Variants in PIK3C2B observed in about 807,000 individuals in gnomAD.
The protein encoded by PIK3C2B is phosphatidylinositol 4-phosphate 3-kinase C2 domain-containing subunit beta.
In PIK3C2B, 83 loss-of-function variants were observed where a neutral mutation model predicts 184.3. The observed-to-expected ratio is 0.45, with a 90% CI of 0.38 to 0.54. The LOEUF is 0.54. Among genes scored for constraint, PIK3C2B ranks in the 20% least tolerant of loss-of-function variants. The pLI is 0.00. For missense variants in PIK3C2B, 1,736 were observed against 2,113.5 expected (o/e 0.82, Z 3.50); for synonymous variants, 779 against 837.6 (o/e 0.93, Z 1.21).
chr1:204,461,819 C>G (rs977356408), intron 5 of PIK3C2B, among the ~76,000 whole-genome samples: 2 of 151,948 alleles, frequency 1.3e-5, no homozygotes, highest in Non-Finnish European at 2.9e-5. Flanking sequence ...AACCCTCCCA[C>G]GGGACTGCCT....
chr1:204,440,303 G>A lies in PIK3C2B; in HGVS notation c.3268C>T (p.Gln1090Ter). The change falls in exon 22 of 33, where the codon CAG becomes TAG. Residue 1090 changes from glutamine (Q) to a stop codon, truncating the protein, a stop_gained. Transcript: ENST00000684373. LOFTEE classifies it high-confidence loss of function. ...VIFKCGDDLR[Q>*]DMLTLQMIRI... ...ATCATCTGCAGCGTTAGCATGTCCT[G>A]GCGAAGGTCGTCCCCACACTGGATG... The A allele has an allele frequency of 6.2e-7, 1 of 1,600,896 alleles. No homozygotes were observed. Among genetic ancestry groups the A allele is most frequent in the South Asian group, 1.1e-5 (1 of 89,358 alleles).
Position 204,447,511 on chromosome 1 carries a change from C to G in PIK3C2B, c.2414G>C (p.Arg805Pro). The change falls in exon 15 of 33, where the codon CGC becomes CCC. Residue 805 changes from arginine (R) to proline (P), a missense_variant. By Grantham distance (103) the Arg-to-Pro change is moderately radical. Transcript: ENST00000684373. The surrounding 1 kb of genome is among the most constrained non-coding windows in gnomAD (Gnocchi z 4.1). ...TSPPGDKFSPRYEFGSLREED... is the reference protein window; with the variant it reads ...TSPPGDKFSPPYEFGSLREED... Reference sequence around the variant, plus strand: ...TTCCCGGAGGCTGCCAAACTCATAGCGGGGGCTGAACTTGTCTCCAGGGGG... The same window carrying G: ...TTCCCGGAGGCTGCCAAACTCATAGGGGGGGCTGAACTTGTCTCCAGGGGG... 1.2e-6 allele frequency: 2 copies of G among 1,611,230 alleles called. No individual in the cohort carries two copies. The highest frequency in any genetic ancestry group is 8.5e-7 in the Non-Finnish European group (1 of 1,178,930).
Position 204,423,015 on chromosome 1 carries a change from T to G in PIK3C2B, c.*1837A>C, listed in dbSNP as rs916856539. The G allele has an allele frequency of 6.6e-6, 1 of 152,244 alleles. No homozygotes were observed. Among genetic ancestry groups the G allele is most frequent in the Non-Finnish European group, 1.5e-5 (1 of 68,038 alleles). The allele number at this position is 152,244 out of a possible 1,614,324, so 9.4% of individuals were successfully genotyped here. ...AATTAGGGAGGGACAGTTTACAGAATGTCCTCATTTCACTCTTTTCCCAAT... is the reference window on the plus strand; with the variant it reads ...AATTAGGGAGGGACAGTTTACAGAAGGTCCTCATTTCACTCTTTTCCCAAT... On this transcript the variant is annotated 3_prime_UTR_variant, in exon 33 of 33. Coordinates refer to ENST00000684373, the MANE Select transcript of PIK3C2B (RefSeq NM_001377334.1).
intron 23 of PIK3C2B, chr1:204,435,340 GA>G (rs1388564525): frequency 3.9e-5 from 6 of 152,014 alleles, no homozygotes; most frequent in Non-Finnish European, 8.8e-5. Flanking sequence ...TTTCCAGAAA[GA>G]AAAACTACAT....
At chr1:204,431,460 T>C (rs977611134) in intron 28 of PIK3C2B, 5 of 596,792 alleles carry the variant, frequency 8.4e-6, no homozygotes, top group Admixed American at 5.8e-5. Flanking sequence ...TTCTGGCCAG[T>C]GGGCCTGGAG....
At chr1:204,461,407 A>G (rs980403595) in intron 5 of PIK3C2B, among the ~76,000 whole-genome samples, 3 of 152,076 alleles carry the variant, frequency 2.0e-5, no homozygotes, top group Admixed American at 6.5e-5. Context: ...AAGGAAACCC[A>G]AGAGGAGGGG....
At chr1:204,450,220 C>T in intron 12 of PIK3C2B, 1 of 543,058 alleles carries the variant, frequency 1.8e-6, no homozygotes, top group Non-Finnish European at 3.3e-6. Flanking sequence ...TTCCCAGAAG[C>T]ACAATGTGGT....
intron 28 of PIK3C2B, chr1:204,431,459 G>C: frequency 3.4e-6 from 2 of 596,002 alleles, no homozygotes; most frequent in Non-Finnish European, 5.9e-6. Flanking sequence ...TTTCTGGCCA[G>C]TGGGCCTGGA....
At chr1:204,428,846 T>G in intron 29 of PIK3C2B, 1 of 439,214 alleles carries the variant, frequency 2.3e-6, no homozygotes, top group South Asian at 1.6e-5. Flanking sequence ...ATGTTAAGTG[T>G]TTAGGTGATG....
At chr1:204,487,158 T>C (rs550481730) in intron 1 of PIK3C2B, among the ~76,000 whole-genome samples, 1 of 152,236 alleles carries the variant, frequency 6.6e-6, no homozygotes, top group African/African-American at 2.4e-5. Context: ...CAGGCTGGAG[T>C]GCAGTGGTGC....
chr1:204,448,351 C>G (rs1003184313), intron 14 of PIK3C2B, among the ~76,000 whole-genome samples: 1 of 152,032 alleles, frequency 6.6e-6, no homozygotes, highest in Non-Finnish European at 1.5e-5. Flanking sequence ...ATCCCCCTGC[C>G]TCAGCCTCCC....
Position 204,433,962 on chromosome 1 carries a change from G to A in PIK3C2B, c.3687-13C>T. 1.2e-6 allele frequency: 2 copies of A among 1,612,182 alleles called. No homozygotes were observed. The highest frequency in any genetic ancestry group is 1.1e-5 in the South Asian group (1 of 91,010). On this transcript the variant is annotated splice_polypyrimidine_tract_variant and intron_variant, in intron 24 of 32. Coordinates refer to ENST00000684373, the MANE Select transcript of PIK3C2B (RefSeq NM_001377334.1). The surrounding 1 kb of genome is among the most constrained non-coding windows in gnomAD (Gnocchi z 5.0). ...GGGGGCACGGTCCCTGAGCCAAGGGGAACATACAGGTAGAAGGTCAACATG... is the reference window on the plus strand; with the variant it reads ...GGGGGCACGGTCCCTGAGCCAAGGGAAACATACAGGTAGAAGGTCAACATG...
chr1:204,429,142 C>T (rs1268761492), intron 29 of PIK3C2B, among the ~76,000 whole-genome samples: 1 of 152,102 alleles, frequency 6.6e-6, no homozygotes, highest in African/African-American at 2.4e-5. Context: ...GTGGGAGGAT[C>T]GCTTGAGCCT....
chr1:204,457,348 C>T (rs1465478095), intron 9 of PIK3C2B, among the ~76,000 whole-genome samples: 1 of 152,232 alleles, frequency 6.6e-6, no homozygotes, highest in African/African-American at 2.4e-5. Context: ...GGTGCTGGCC[C>T]TGTCTGCAGA....
rs555824360 is a variant in PIK3C2B, at chr1:204,433,209, C to T, written c.3953+107G>A. 2 of 646,640 alleles carry T rather than the reference C, an allele frequency of 3.1e-6. No individual in the cohort carries two copies. The highest frequency in any genetic ancestry group is 1.8e-5 in the African/African-American group (1 of 54,752). 40.1% of individuals were successfully genotyped at this position (646,640 alleles called of 1,614,324 possible). ...CCACGTGGTCAGCTCTAGGCTCTAG[C>T]ATCTGAGCTAAGCTTTTCACCTTTC... On this transcript the variant is annotated intron_variant, in intron 26 of 32. Coordinates refer to ENST00000684373, the MANE Select transcript of PIK3C2B (RefSeq NM_001377334.1). The surrounding 1 kb of genome is among the most constrained non-coding windows in gnomAD (Gnocchi z 5.0).
rs1486178962 is a variant in PIK3C2B, at chr1:204,424,331, CAAT to C, written c.*518_*520del. 2 of 209,070 alleles carry C rather than the reference CAAT, an allele frequency of 9.6e-6. No homozygotes were observed. Among genetic ancestry groups the C allele is most frequent in the South Asian group, 6.5e-5 (1 of 15,392 alleles). The allele number at this position is 209,070 out of a possible 1,614,324, so 13.0% of individuals were successfully genotyped here. On this transcript the variant is annotated 3_prime_UTR_variant, in exon 33 of 33. Transcript: ENST00000684373. ...TAGCTAGAAAACGAAACAACAACAACAATAACAAAAAAAAAAAACCTAGGGAAA... is the reference window on the plus strand; with the variant it reads ...TAGCTAGAAAACGAAACAACAACAACAACAAAAAAAAAAAACCTAGGGAAA...
intron 23 of PIK3C2B, among the ~76,000 whole-genome samples, chr1:204,434,949 G>A (rs956917298): frequency 6.6e-6 from 1 of 152,184 alleles, no homozygotes; most frequent in Admixed American, 6.5e-5. Flanking sequence ...AGACTGAGGG[G>A]ACCTTAAGAG....
At chr1:204,480,650 G>A (rs1166640274) in intron 1 of PIK3C2B, among the ~76,000 whole-genome samples, 1 of 151,930 alleles carries the variant, frequency 6.6e-6, no homozygotes, top group Non-Finnish European at 1.5e-5. Context: ...CTGTAAGCCT[G>A]GGTGCAGGAG....
Position 204,450,021 on chromosome 1 carries a change from T to A in PIK3C2B, c.2067-4A>T. On this transcript the variant is annotated splice_region_variant and splice_polypyrimidine_tract_variant and intron_variant, in intron 12 of 32. Coordinates refer to ENST00000684373, the MANE Select transcript of PIK3C2B (RefSeq NM_001377334.1). Reference sequence around the variant, plus strand: ...CACCTGCACTGGGAAGCAGATCCTATGGAGGACAGGAAGTCAAATTAGGAG... The same window carrying A: ...CACCTGCACTGGGAAGCAGATCCTAAGGAGGACAGGAAGTCAAATTAGGAG... 6.4e-7 allele frequency: 1 copy of A among 1,551,654 alleles called. No homozygotes were observed. Among genetic ancestry groups the A allele is most frequent in the Non-Finnish European group, 8.7e-7 (1 of 1,146,584 alleles).
Sources: gnomAD v4.1 joint callset for allele counts (sites outside exome capture counted in the v4.1 genomes callset) on GRCh38, gnomAD v4.1.1 for gene constraint, Gnocchi (gnomAD v3.1) non-coding constraint, MANE v1.5 for transcripts, NCBI Gene and HGNC (gene_info 2026-07-23, HGNC 2026-07-21) for gene names.